LCN1: variants seen among roughly 807,000 people sequenced by gnomAD.
LCN1 encodes the protein lipocalin 1.
LCN1 carries 25 observed loss-of-function variants against 22.3 expected under a neutral mutation model. That is an observed-to-expected ratio of 1.12 (90% CI 0.82 to 1.56). The LOEUF is 1.56. Ranked by LOEUF, LCN1 falls within the 40% of genes most tolerant of loss-of-function variation. The probability of loss-of-function intolerance (pLI) is 0.00; values close to 1 mark genes in which losing one functional copy is unlikely to be tolerated. For synonymous variants in LCN1, 85 were observed against 97.6 expected (o/e 0.87, Z 0.76); for missense variants, 219 against 235.6 (o/e 0.93, Z 0.46).
Position 135,526,415 on chromosome 9 carries a change from A to G in LCN1, c.*73A>G, listed in dbSNP as rs775780826. On this transcript the variant is annotated 3_prime_UTR_variant, in exon 7 of 7. Transcript: ENST00000371781. ...CAGCACCTCCGTCATTCACAGGGAC[A>G]TGGAAAAAGCTCCCCACCCCTGCAG... The G allele has an allele frequency of 1.6e-5, 21 of 1,284,858 alleles. No homozygotes were observed. The South Asian group carries it at 2.5e-4, about 15-fold the overall frequency. 79.6% of individuals were successfully genotyped at this position (1,284,858 alleles called of 1,614,324 possible).
intron 3 of LCN1, 31 bp downstream of exon 3, chr9:135,523,333 G>A (rs1180761988): frequency 3.1e-6 from 5 of 1,598,486 alleles, no homozygotes; most frequent in East Asian, 4.5e-5. Flanking sequence ...CAGAGCCTGA[G>A]CTTGAACACA....
In LCN1 at chr9:135,526,522, C is replaced by T. The variant is rs1588386208; in HGVS notation, c.*180C>T. The T allele has an allele frequency of 8.0e-7, 1 of 1,243,818 alleles. No individual in the cohort carries two copies. Among genetic ancestry groups the T allele is most frequent in the East Asian group, 6.0e-5 (1 of 16,644 alleles). The allele number at this position is 1,243,818 out of a possible 1,614,324, so 77.0% of individuals were successfully genotyped here. A position where few individuals can be genotyped will look rare whatever the true frequency, so the allele number is the denominator to read the frequency against. On this transcript the variant is annotated 3_prime_UTR_variant, in exon 7 of 7. Transcript: ENST00000371781. Reference sequence around the variant, plus strand: ...CCCTCTCCTGGTTCTCCATAAAGAGCTTCAGCAGTTCCCAGTGACTCCGCC... The same window carrying T: ...CCCTCTCCTGGTTCTCCATAAAGAGTTTCAGCAGTTCCCAGTGACTCCGCC...
At chr9:135,524,349 T>C (rs1187046887) in intron 4 of LCN1, among the ~76,000 whole-genome samples, 1 of 152,244 alleles carries the variant, frequency 6.6e-6, no homozygotes, top group East Asian at 1.9e-4. Flanking sequence ...AACAGGGATG[T>C]GAGCAGAAGT....
intron 2 of LCN1, among the ~76,000 whole-genome samples, 175 bp from the exon 3 acceptor site, chr9:135,523,057 C>A (rs193057580): frequency 2.0e-5 from 3 of 152,176 alleles, no homozygotes; most frequent in Non-Finnish European, 4.4e-5. Flanking sequence ...CGGGAACTGC[C>A]GCATGGGACC....
At chr9:135,525,294 G>A (rs1831606053) in intron 6 of LCN1, 136 bp downstream of exon 6, 1 of 839,572 alleles carries the variant, frequency 1.2e-6, no homozygotes, top group East Asian at 2.5e-5. Context: ...TCAGGCAGGT[G>A]GGAGCTCTGC....
At position 135,522,138 on chromosome 9, in the gene LCN1, C is replaced by T. The variant is rs139540399; in HGVS notation, c.182C>T (p.Thr61Ile). The T allele has an allele frequency of 5.9e-4, 940 of 1,601,846 alleles. 10 individuals carry two copies. The African/African-American group carries it at 9.5e-3, about 16-fold the overall frequency. The change falls in exon 2 of 7, where the codon ACC becomes ATC. Residue 61 changes from threonine to isoleucine, a missense_variant. Physicochemically the swap from Thr to Ile is moderately conservative, Grantham distance 89. Transcript: ENST00000371781. Reference sequence around the variant, plus strand: ...TCGGTGACACCCATGACCCTCACGACCCTGGAAGGGGGCAACCTGGAAGCC... The same window carrying T: ...TCGGTGACACCCATGACCCTCACGATCCTGGAAGGGGGCAACCTGGAAGCC... ...LESVTPMTLT[T>I]LEGGNLEAKV...
chr9:135,525,210 G>A, intron 6 of LCN1, 52 bp downstream of exon 6: 2 of 1,582,228 alleles, frequency 1.3e-6, no homozygotes, highest in South Asian at 1.1e-5. Context: ...CTGGGGCTCA[G>A]TGGTGCTTCC....
Position 135,522,156 on chromosome 9 carries a change from T to C in LCN1, c.200T>C (p.Leu67Pro). Residue 67 changes from leucine to proline, a missense_variant, in exon 2 of 7, where the codon CTG (leucine) becomes CCG (proline). Coordinates refer to ENST00000371781, the MANE Select transcript of LCN1 (RefSeq NM_002297.4). ...MTLTTLEGGN[L>P]EAKVTMLISG... ...CTCACGACCCTGGAAGGGGGCAACC[T>C]GGAAGCCAAGGTCACCATGCTGTGA... 1 of 1,605,212 alleles carries C rather than the reference T, an allele frequency of 6.2e-7. No individual in the cohort carries two copies.
chr9:135,523,110 C>T (rs56024916), intron 2 of LCN1, 122 bp from the exon 3 acceptor site: 341,721 of 849,004 alleles, frequency 0.4, 70,177 homozygotes, highest in South Asian at 0.44. Flanking sequence ...CAGAGAAGCA[C>T]CCTCCTCCAT....
chr9:135,525,748 G>T (rs1244403018), intron 6 of LCN1, among the ~76,000 whole-genome samples: 1 of 152,078 alleles, frequency 6.6e-6, no homozygotes, highest in African/African-American at 2.4e-5. Flanking sequence ...TCTGTCAGCA[G>T]CCTGCGGGGG....
At chr9:135,525,415 G>T (rs1409625818) in intron 6 of LCN1, among the ~76,000 whole-genome samples, 2 of 152,170 alleles carry the variant, frequency 1.3e-5, no homozygotes, top group Non-Finnish European at 2.9e-5. Flanking sequence ...TGCTGGTGGA[G>T]ACGGTGTCTA....
rs1206998484 is a variant in LCN1 at position 135,524,823 on chromosome 9, C to T, written c.404-7C>T. 5 of 1,595,082 alleles carry T rather than the reference C, an allele frequency of 3.1e-6. No homozygotes were observed. Among genetic ancestry groups the T allele is most frequent in the South Asian group, 1.1e-5 (1 of 87,984 alleles). ...CGAGCACCCACATCTCGTCCTGGCACCCACAGGCAGAGACCCCAAGAACAA... is the reference window on the plus strand; with the variant it reads ...CGAGCACCCACATCTCGTCCTGGCATCCACAGGCAGAGACCCCAAGAACAA... On this transcript the variant is annotated splice_polypyrimidine_tract_variant and splice_region_variant and intron_variant, in intron 4 of 6. Coordinates refer to ENST00000371781, the MANE Select transcript of LCN1 (RefSeq NM_002297.4).
chr9:135,524,965 C>T (rs761108746), intron 5 of LCN1, 34 bp downstream of exon 5: 11 of 1,582,528 alleles, frequency 7.0e-6, no homozygotes, highest in African/African-American at 2.7e-5. Context: ...CCCCCCATGT[C>T]CCCGCGTGGG....
intron 5 of LCN1, 42 bp from the exon 6 acceptor site, chr9:135,525,090 A>G: frequency 6.2e-7 from 1 of 1,608,604 alleles, no homozygotes; most frequent in East Asian, 2.2e-5. Context: ...TCCTGACTGC[A>G]TTCCTGGGGT....
At chr9:135,525,051 T>C in intron 5 of LCN1, 81 bp from the exon 6 acceptor site, 1 of 1,569,660 alleles carries the variant, frequency 6.4e-7, no homozygotes, top group Non-Finnish European at 8.7e-7. Context: ...CCTGGGGTGG[T>C]GGAGCTGGTG....
At chr9:135,521,953 C>T (rs1419696593) in intron 1 of LCN1, 94 bp from the exon 2 acceptor site, 3 of 1,520,736 alleles carry the variant, frequency 2.0e-6, no homozygotes, top group South Asian at 1.2e-5. Context: ...GTTTCCAGCC[C>T]TCGGGGTGCG....
chr9:135,525,880 C>T (rs1402239528), intron 6 of LCN1, among the ~76,000 whole-genome samples: 2 of 145,286 alleles, frequency 1.4e-5, no homozygotes, highest in East Asian at 2.1e-4. Flanking sequence ...CACACCATAG[C>T]CCCCTAGAGC....
intron 6 of LCN1, among the ~76,000 whole-genome samples, chr9:135,525,425 AC>A (rs1831613249): frequency 6.6e-6 from 1 of 151,568 alleles, no homozygotes; most frequent in Non-Finnish European, 1.5e-5. Flanking sequence ...GACGGTGTCT[AC>A]CCCCCAGTCA....
intron 4 of LCN1, 26 bp downstream of exon 4, chr9:135,524,016 A>G (rs372337144): frequency 7.8e-5 from 122 of 1,562,084 alleles, no homozygotes; most frequent in Non-Finnish European, 1.0e-4. Context: ...TCACCCTGCA[A>G]CCCATGCCTC....
Sources: gnomAD v4.1 joint callset for allele counts (sites outside exome capture counted in the v4.1 genomes callset) on GRCh38, gnomAD v4.1.1 for gene constraint, MANE v1.5 for transcripts, NCBI Gene and HGNC (gene_info 2026-07-23, HGNC 2026-07-21) for gene names.